The following NTM variants were observed in gnomAD, a reference collection of about 807,000 sequenced individuals.
NTM encodes the protein neurotrimin, also known as IgLON family member 2.
NTM carries 13 observed loss-of-function variants against 42.1 expected under a neutral mutation model. The observed-to-expected ratio is 0.31, with a 90% CI of 0.20 to 0.49. The LOEUF (loss-of-function observed/expected upper bound fraction) is 0.49, where lower values mean the gene tolerates loss of function less well. Among genes scored for constraint, NTM ranks in the 20% least tolerant of loss-of-function variants. The pLI, the probability that NTM is intolerant of heterozygous loss-of-function variation, is 0.99. For synonymous variants in NTM, 187 were observed against 179.2 expected, an observed-to-expected ratio of 1.04 and a Z score of -0.35; for missense variants, 373 against 452.8, an observed-to-expected ratio of 0.82 and a Z score of 1.60.
At chr11:131,683,381 A>G (rs935758005) in intron 1 of NTM, among the ~76,000 whole-genome samples, 2 of 152,130 alleles carry the variant, frequency 1.3e-5, no homozygotes, top group Non-Finnish European at 2.9e-5. Context: ...AGGGGAAACA[A>G]CCTCTGCCCT....
At chr11:132,243,295 C>G (rs2090526580) in intron 4 of NTM, among the ~76,000 whole-genome samples, 1 of 152,172 alleles carries the variant, frequency 6.6e-6, no homozygotes, top group East Asian at 1.9e-4. Flanking sequence ...AATTTAGGTT[C>G]ATAAATAGCA....
chr11:132,124,650 T>A (rs10750499), intron 2 of NTM, among the ~76,000 whole-genome samples: 1 of 152,100 alleles, frequency 6.6e-6, no homozygotes, highest in Non-Finnish European at 1.5e-5. Context: ...GCGGGGTTGC[T>A]TGGGTAATTT....
chr11:132,142,989 T>C (rs1354323525), intron 2 of NTM, among the ~76,000 whole-genome samples: 2 of 152,070 alleles, frequency 1.3e-5, no homozygotes, highest in Non-Finnish European at 2.9e-5. Context: ...ATTCAAGCAG[T>C]TTAGTGTTTG....
chr11:131,443,683 A>G (rs1013810793), intron 1 of NTM, among the ~76,000 whole-genome samples: 3 of 152,218 alleles, frequency 2.0e-5, no homozygotes, highest in Non-Finnish European at 4.4e-5. Context: ...AGTAGACCAC[A>G]GAAGCAGCTA....
intron 1 of NTM, among the ~76,000 whole-genome samples, chr11:131,382,704 A>G (rs2135531355): frequency 6.6e-6 from 1 of 152,244 alleles, no homozygotes; most frequent in South Asian, 2.1e-4. Flanking sequence ...CTTTCTTGTG[A>G]TCATCGCATG....
chr11:131,598,754 TCTTCTTTC>T (rs1299420796), intron 1 of NTM, among the ~76,000 whole-genome samples: 2,433 of 53,486 alleles, frequency 0.045, 129 homozygotes, highest in African/African-American at 0.063. Context: ...TTTCTTTCTT[TCTTCTTTC>T]TTTTTTTCTT....
intron 1 of NTM, among the ~76,000 whole-genome samples, chr11:131,418,304 A>C (rs1947154067): frequency 3.3e-5 from 5 of 152,254 alleles, no homozygotes; most frequent in Admixed American, 3.3e-4. Flanking sequence ...GCTGCATCCC[A>C]AAGGCAGCGT....
intron 2 of NTM, among the ~76,000 whole-genome samples, chr11:131,977,254 G>A (rs964314981): frequency 1.3e-5 from 2 of 152,244 alleles, no homozygotes; most frequent in African/African-American, 4.8e-5. Context: ...GCGACTACGC[G>A]TAACAGTTTT....
intron 4 of NTM, among the ~76,000 whole-genome samples, chr11:132,267,096 A>G (rs769533507): frequency 5.9e-5 from 9 of 152,208 alleles, no homozygotes; most frequent in Non-Finnish European, 5.9e-5. Context: ...AAGGACAAGC[A>G]GTATCTTATA....
intron 4 of NTM, among the ~76,000 whole-genome samples, chr11:132,282,047 A>G (rs1029201099): frequency 1.3e-5 from 2 of 152,202 alleles, no homozygotes; most frequent in Non-Finnish European, 2.9e-5. Context: ...GCCTTTATGT[A>G]ACTAGTTGCT....
chr11:131,664,522 C>T (rs779086987), intron 1 of NTM, among the ~76,000 whole-genome samples: 44 of 152,108 alleles, frequency 2.9e-4, no homozygotes, highest in Non-Finnish European at 2.9e-4. Flanking sequence ...CACTCAGAGG[C>T]GTATGGGCCC....
intron 2 of NTM, among the ~76,000 whole-genome samples, chr11:131,991,416 T>C: frequency 6.6e-6 from 1 of 152,304 alleles, no homozygotes; most frequent in East Asian, 1.9e-4. Flanking sequence ...TAATAGGTGA[T>C]TGATTAAATG....
At chr11:132,005,651 T>G (rs1003932487) in intron 2 of NTM, among the ~76,000 whole-genome samples, 2 of 152,200 alleles carry the variant, frequency 1.3e-5, no homozygotes, top group Non-Finnish European at 2.9e-5. Flanking sequence ...TTTTCCATTT[T>G]CATATCCTAC....
chr11:132,178,161 A>G (rs773430019), intron 3 of NTM, among the ~76,000 whole-genome samples: 6 of 152,232 alleles, frequency 3.9e-5, no homozygotes, highest in Admixed American at 2.6e-4. Flanking sequence ...CCTTACAGAT[A>G]GGGAGGCTGG....
chr11:131,419,741 G>A (rs573967495), intron 1 of NTM, among the ~76,000 whole-genome samples: 1 of 152,256 alleles, frequency 6.6e-6, no homozygotes, highest in South Asian at 2.1e-4. Flanking sequence ...AGGGAGGGAT[G>A]GAGGTATAAA....
chr11:131,886,291 T>A (rs1170825754), intron 1 of NTM, among the ~76,000 whole-genome samples: 1 of 152,100 alleles, frequency 6.6e-6, no homozygotes, highest in Non-Finnish European at 1.5e-5. Flanking sequence ...GCCCCCACAC[T>A]CCCACTGGCA....
intron 2 of NTM, among the ~76,000 whole-genome samples, chr11:131,955,468 G>T (rs2061458071): frequency 6.6e-6 from 1 of 152,150 alleles, no homozygotes; most frequent in Non-Finnish European, 1.5e-5. Context: ...GCCTCTTCAA[G>T]TGTGTTTTTA....
intron 2 of NTM, among the ~76,000 whole-genome samples, chr11:132,070,228 T>A (rs1278878596): frequency 1.4e-5 from 2 of 140,118 alleles, no homozygotes; most frequent in Admixed American, 1.4e-4. Flanking sequence ...ACAGGTTAGT[T>A]AACACGTCAC....
intron 2 of NTM, among the ~76,000 whole-genome samples, chr11:131,913,174 C>T (rs189268604): frequency 2.7e-4 from 41 of 152,194 alleles, no homozygotes; most frequent in Non-Finnish European, 4.1e-4. Context: ...AATAAAAAAC[C>T]AAAAATAAAT....
Sources: allele counts gnomAD v4.1 joint callset (sites outside exome capture counted in the v4.1 genomes callset), GRCh38; gene constraint gnomAD v4.1.1; transcripts MANE v1.5; gene names NCBI Gene and HGNC (gene_info 2026-07-23, HGNC 2026-07-21).